The following TECRL variants were observed in gnomAD, a reference collection of about 807,000 sequenced individuals.
TECRL encodes trans-2,3-enoyl-CoA reductase-like.
A neutral mutation model predicts 52.8 loss-of-function variants in TECRL; 63 were observed. The observed-to-expected ratio is 1.19, with a 90% confidence interval of 0.97 to 1.47. TECRL has a LOEUF of 1.47. Ranked by LOEUF, TECRL falls within the 40% of genes most tolerant of loss-of-function variation. The pLI is 0.00. For missense variants in TECRL, 482 were observed against 429.6 expected (o/e 1.12, Z -1.08); for synonymous variants, 164 against 141.9 (o/e 1.16, Z -1.10).
chr4:64,350,569 A>G (rs1465154650), intron 2 of TECRL, among the ~76,000 whole-genome samples: 1 of 152,186 alleles, frequency 6.6e-6, no homozygotes, highest in African/African-American at 2.4e-5. Context: ...TATATAATTT[A>G]AGAGATTAAT....
chr4:64,402,812 A>G (rs1264273155), intron 1 of TECRL, among the ~76,000 whole-genome samples: 8 of 152,092 alleles, frequency 5.3e-5, no homozygotes, highest in Non-Finnish European at 1.2e-4. Flanking sequence ...AAGATCTGCT[A>G]CCTACAAAAG....
Position 64,376,638 on chromosome 4 carries a change from C to T in TECRL, c.235-1415G>A, listed in dbSNP as rs183937657. On this transcript the variant is annotated intron_variant, in intron 1 of 11. Coordinates refer to ENST00000381210, the MANE Select transcript of TECRL (RefSeq NM_001010874.5). ...CTCTGACAGAGTGGAGTAAAGGCCACGTGATATTCCCCAGAGTAACAAATA... is the reference window on the plus strand; with the variant it reads ...CTCTGACAGAGTGGAGTAAAGGCCATGTGATATTCCCCAGAGTAACAAATA... 2.1e-3 allele frequency among the ~76,000 whole-genome samples: 319 copies of T among 151,972 alleles called. 3 individuals are homozygous for T. Among genetic ancestry groups the T allele is most frequent in the Non-Finnish European group, 1.1e-3 (75 of 67,866 alleles).
chr4:64,280,953 C>G, intron 11 of TECRL, 88 bp downstream of exon 11: 1 of 900,346 alleles, frequency 1.1e-6, no homozygotes, highest in Non-Finnish European at 1.7e-6. Flanking sequence ...TCATGCTATA[C>G]TTTAGTACTA....
intron 8 of TECRL, among the ~76,000 whole-genome samples, chr4:64,296,494 A>G (rs900365976): frequency 6.6e-6 from 1 of 151,826 alleles, no homozygotes; most frequent in African/African-American, 2.4e-5. Flanking sequence ...TAGTTATTTT[A>G]ATTACTTTGT....
intron 2 of TECRL, among the ~76,000 whole-genome samples, chr4:64,352,315 CAG>C (rs1236242068): frequency 1.4e-4 from 22 of 152,244 alleles, no homozygotes; most frequent in African/African-American, 5.1e-4. Context: ...TAATATTGAA[CAG>C]AGTCTTGAGT....
At chr4:64,360,189 G>A (rs1024714050) in intron 2 of TECRL, among the ~76,000 whole-genome samples, 1 of 152,066 alleles carries the variant, frequency 6.6e-6, no homozygotes, top group East Asian at 1.9e-4. Flanking sequence ...TATTATCTCA[G>A]TATGTTTGCA....
chr4:64,353,135 T>C (rs979491418), intron 2 of TECRL, among the ~76,000 whole-genome samples: 19 of 152,226 alleles, frequency 1.2e-4, no homozygotes, highest in Non-Finnish European at 2.5e-4. Flanking sequence ...ACTATTTTTC[T>C]TTAGTAAATT....
At chr4:64,302,297 G>A (rs536315327) in intron 7 of TECRL, among the ~76,000 whole-genome samples, 9 of 151,526 alleles carry the variant, frequency 5.9e-5, no homozygotes, top group South Asian at 2.1e-4. Flanking sequence ...CAAATTTGAT[G>A]AGAATAGATT....
At chr4:64,333,756 C>A in intron 2 of TECRL, among the ~76,000 whole-genome samples, 1 of 126,104 alleles carries the variant, frequency 7.9e-6, no homozygotes, top group Non-Finnish European at 1.7e-5. Context: ...CGCGGTGGCT[C>A]ACGCCTGTAA....
chr4:64,386,749 T>G (rs1465736643), intron 1 of TECRL, among the ~76,000 whole-genome samples: 3 of 152,200 alleles, frequency 2.0e-5, no homozygotes, highest in Non-Finnish European at 4.4e-5. Context: ...CAATTTGTTT[T>G]GTTTTGCGTT....
At chr4:64,373,918 T>C (rs904951695) in intron 2 of TECRL, among the ~76,000 whole-genome samples, 2 of 148,266 alleles carry the variant, frequency 1.3e-5, no homozygotes, top group Non-Finnish European at 3.0e-5. Context: ...AAAATACTTA[T>C]ATATACTATA....
rs1424919195 is a variant in TECRL, at chr4:64,278,538, C to T, written c.*1534G>A. 1.1e-5 allele frequency: 2 copies of T among 176,998 alleles called. No individual in the cohort carries two copies. Among genetic ancestry groups the T allele is most frequent in the South Asian group, 1.9e-4 (1 of 5,294 alleles). 11.0% of individuals were successfully genotyped at this position (176,998 alleles called of 1,614,324 possible). ...GGAGATACATAATAATGTTTCAATA[C>T]ATATAATTTATAGTGGTCAGATCAG... is the stretch of plus-strand genomic sequence containing the variant. On this transcript the variant is annotated 3_prime_UTR_variant, in exon 12 of 12. Coordinates refer to ENST00000381210, the MANE Select transcript of TECRL (RefSeq NM_001010874.5).
At chr4:64,402,162 T>C (rs1253475209) in intron 1 of TECRL, among the ~76,000 whole-genome samples, 1 of 152,148 alleles carries the variant, frequency 6.6e-6, no homozygotes, top group East Asian at 1.9e-4. Context: ...AGTTTTATTG[T>C]AAAATAACAT....
intron 8 of TECRL, among the ~76,000 whole-genome samples, chr4:64,295,680 A>G (rs1196457801): frequency 6.6e-6 from 1 of 151,838 alleles, no homozygotes; most frequent in African/African-American, 2.4e-5. Context: ...TTTACATTAG[A>G]TTCGATATCA....
Position 64,320,991 on chromosome 4 carries a change from A to T in TECRL, c.435+1698T>A, listed in dbSNP as rs189223319. 8.7e-3 allele frequency among the ~76,000 whole-genome samples: 1,317 copies of T among 152,098 alleles called. 13 individuals carry two copies. The highest frequency in any genetic ancestry group is 0.02 in the Middle Eastern group (6 of 294). ...TAAATCAACTATTTTTTTTCATTTG[A>T]TATTCATTTATTTGTTTGTTCAAAA... On this transcript the variant is annotated intron_variant, in intron 4 of 11. Coordinates refer to ENST00000381210, the MANE Select transcript of TECRL (RefSeq NM_001010874.5).
intron 11 of TECRL, 79 bp downstream of exon 11, chr4:64,280,962 T>C (rs1425369384): frequency 2.0e-6 from 2 of 1,017,836 alleles, no homozygotes; most frequent in East Asian, 5.0e-5. Flanking sequence ...ACTTTAGTAC[T>C]ATAATAACTT....
At chr4:64,323,386 C>A (rs1718039498) in intron 3 of TECRL, among the ~76,000 whole-genome samples, 1 of 151,778 alleles carries the variant, frequency 6.6e-6, no homozygotes, top group African/African-American at 2.4e-5. Context: ...GACAAAGAGA[C>A]CCTGCCTCAA....
chr4:64,327,761 C>A (rs934584858), intron 3 of TECRL, among the ~76,000 whole-genome samples: 1 of 151,788 alleles, frequency 6.6e-6, no homozygotes, highest in African/African-American at 2.4e-5. Context: ...TCTTTAAGTG[C>A]ATGTAATACC....
intron 1 of TECRL, among the ~76,000 whole-genome samples, chr4:64,399,842 A>G (rs1724225832): frequency 6.6e-6 from 1 of 152,162 alleles, no homozygotes; most frequent in Non-Finnish European, 1.5e-5. Context: ...TGGAACCATC[A>G]TGGAGAACCT....
Sources: allele counts gnomAD v4.1 joint callset (sites outside exome capture counted in the v4.1 genomes callset), GRCh38; gene constraint gnomAD v4.1.1; transcripts MANE v1.5; gene names NCBI Gene and HGNC (gene_info 2026-07-23, HGNC 2026-07-21).